The following NEK10 variants were observed in gnomAD, a reference collection of about 807,000 sequenced individuals.
The protein encoded by NEK10 is serine/threonine-protein kinase Nek10.
A neutral mutation model predicts 159.8 loss-of-function variants in NEK10; 122 were observed. That is an observed-to-expected ratio of 0.76 (90% CI 0.66 to 0.89). NEK10 has a LOEUF of 0.89. Ranked by LOEUF, NEK10 falls within the 40% of genes least tolerant of loss-of-function variation. NEK10 has a pLI of 0.00. For synonymous variants in NEK10, 466 were observed against 457.1 expected (o/e 1.02, Z -0.25); for missense variants, 1,342 against 1,323.1 (o/e 1.01, Z -0.22).
chr3:27,144,212 C>G (rs1944066745), intron 30 of NEK10, among the ~76,000 whole-genome samples: 1 of 152,082 alleles, frequency 6.6e-6, no homozygotes, highest in Admixed American at 6.5e-5. Context: ...TTCACTTAGT[C>G]TATCATGGAG....
chr3:27,368,973 G>T (rs1026334640), intron 1 of NEK10: 1 of 152,292 alleles, frequency 6.6e-6, no homozygotes, highest in African/African-American at 2.4e-5. Context: ...AAATGGAAGC[G>T]CCAAGAAGCA....
At chr3:27,118,663 C>G (rs1940850602) in intron 33 of NEK10, among the ~76,000 whole-genome samples, 1 of 152,128 alleles carries the variant, frequency 6.6e-6, no homozygotes, top group Admixed American at 6.5e-5. Context: ...AGATTTTTAT[C>G]AAAGTTCTTC....
chr3:27,183,951 T>C (rs974999795), intron 26 of NEK10, among the ~76,000 whole-genome samples: 2 of 152,126 alleles, frequency 1.3e-5, no homozygotes, highest in East Asian at 3.8e-4. Flanking sequence ...GTGGCAAGGA[T>C]GTGGAACGTC....
chr3:27,121,200 A>T (rs553772497), intron 32 of NEK10, among the ~76,000 whole-genome samples: 1 of 152,334 alleles, frequency 6.6e-6, no homozygotes, highest in South Asian at 2.1e-4. Flanking sequence ...CGTGGAGAAA[A>T]GAATGGATAG....
intron 9 of NEK10, chr3:27,309,465 T>C (rs532876205): frequency 6.6e-6 from 1 of 152,580 alleles, no homozygotes; most frequent in South Asian, 2.1e-4. Context: ...TCCAGTTCTT[T>C]ACAGATGGCA....
chr3:27,256,213 T>C (rs913134675), intron 23 of NEK10, 83 bp downstream of exon 23: 21 of 606,724 alleles, frequency 3.5e-5, no homozygotes, highest in African/African-American at 3.1e-4. Flanking sequence ...TGAAATTCTC[T>C]TTCCTTTGCA....
At chr3:27,321,552 A>G (rs927950453) in intron 6 of NEK10, among the ~76,000 whole-genome samples, 1 of 152,190 alleles carries the variant, frequency 6.6e-6, no homozygotes, top group African/African-American at 2.4e-5. Flanking sequence ...ACGTGCCTGT[A>G]GTCCCAGCTA....
chr3:27,353,295 C>T (rs2048103635), intron 1 of NEK10, among the ~76,000 whole-genome samples: 1 of 152,116 alleles, frequency 6.6e-6, no homozygotes, highest in Non-Finnish European at 1.5e-5. Context: ...TAAGTGTGTT[C>T]TATGGGTTTA....
chr3:27,216,007 T>A (rs1951492608), intron 23 of NEK10: 4 of 472,316 alleles, frequency 8.5e-6, no homozygotes, highest in Non-Finnish European at 1.5e-5. Context: ...AAATTCAACA[T>A]GAAATTTAGG....
At chr3:27,185,620 A>T (rs1044913247) in intron 26 of NEK10, among the ~76,000 whole-genome samples, 70 of 152,318 alleles carry the variant, frequency 4.6e-4, no homozygotes, top group African/African-American at 1.5e-3. Context: ...ACAATCATGT[A>T]AGCCAGTTCC....
chr3:27,254,629 G>A (rs1051865293), intron 23 of NEK10, among the ~76,000 whole-genome samples: 5 of 90,260 alleles, frequency 5.5e-5, no homozygotes, highest in Non-Finnish European at 8.0e-5. Flanking sequence ...CTAATAACTC[G>A]GAGAGATGAG....
chr3:27,245,628 AGAGG>A (rs1172365850), intron 23 of NEK10, among the ~76,000 whole-genome samples: 1 of 152,232 alleles, frequency 6.6e-6, no homozygotes, highest in African/African-American at 2.4e-5. Flanking sequence ...GGGAACCAAC[AGAGG>A]AATGATCAAG....
At chr3:27,252,829 T>TA (rs1955799189) in intron 23 of NEK10, 1 of 478,614 alleles carries the variant, frequency 2.1e-6, no homozygotes, top group African/African-American at 2.0e-5. Context: ...TGGTTTGTGG[T>TA]AAAGCTGAAG....
chr3:27,174,165 C>T (rs961924763), intron 28 of NEK10, among the ~76,000 whole-genome samples: 1 of 152,116 alleles, frequency 6.6e-6, no homozygotes, highest in Non-Finnish European at 1.5e-5. Flanking sequence ...TGGCTGTCTC[C>T]AAGTTAGATA....
chr3:27,162,116 T>G, intron 30 of NEK10: 2 of 212,368 alleles, frequency 9.4e-6, no homozygotes, highest in Admixed American at 5.3e-5. Context: ...ACATGTATCA[T>G]GTAGGTGTAG....
intron 23 of NEK10, among the ~76,000 whole-genome samples, chr3:27,222,828 C>T (rs1290933259): frequency 6.6e-6 from 1 of 151,924 alleles, no homozygotes; most frequent in African/African-American, 2.4e-5. Flanking sequence ...ATTTTTCAAA[C>T]ACAAACCAAA....
intron 32 of NEK10, among the ~76,000 whole-genome samples, chr3:27,129,615 C>G (rs1942381408): frequency 6.6e-6 from 1 of 151,842 alleles, no homozygotes; most frequent in Non-Finnish European, 1.5e-5. Flanking sequence ...ATCAGTATAC[C>G]AATAAAGAAT....
chr3:27,332,068 T>A (rs2046458026), intron 5 of NEK10, among the ~76,000 whole-genome samples: 1 of 152,208 alleles, frequency 6.6e-6, no homozygotes, highest in African/African-American at 2.4e-5. Flanking sequence ...ATATGCTGGT[T>A]ATTCTAGAAC....
intron 22 of NEK10, chr3:27,278,949 G>C (rs568121755): frequency 1.5e-5 from 15 of 983,494 alleles, no homozygotes; most frequent in Non-Finnish European, 1.8e-5. Context: ...GGTTTCAAAG[G>C]CTGCAAATAA....
Sources: gnomAD v4.1 joint callset for allele counts (sites outside exome capture counted in the v4.1 genomes callset) on GRCh38, gnomAD v4.1.1 for gene constraint, MANE v1.5 for transcripts, NCBI Gene and HGNC (gene_info 2026-07-23, HGNC 2026-07-21) for gene names.